The following SUMF1 variants were observed in gnomAD, a reference collection of about 807,000 sequenced individuals.
SUMF1 encodes the protein sulfatase modifying factor 1.
SUMF1 carries 48 observed loss-of-function variants against 47.6 expected under a neutral mutation model. The observed-to-expected ratio is 1.01, with a 90% CI of 0.80 to 1.28. The LOEUF is 1.28. SUMF1 is among the 50% of genes most tolerant of loss of function. SUMF1 has a pLI of 0.00. For synonymous variants in SUMF1, 230 were observed against 192.1 expected, an observed-to-expected ratio of 1.20 and a Z score of -1.63; for missense variants, 571 against 485.4, an observed-to-expected ratio of 1.18 and a Z score of -1.66.
At chr3:4,034,522 T>C (rs1019482854) in intron 9 of SUMF1, among the ~76,000 whole-genome samples, 2 of 152,118 alleles carry the variant, frequency 1.3e-5, no homozygotes, top group Admixed American at 6.5e-5. Context: ...GAAAGAAATA[T>C]AGCTTCCTGT....
chr3:4,287,023 A>G (rs1462971649), intron 8 of SUMF1, among the ~76,000 whole-genome samples: 3 of 152,176 alleles, frequency 2.0e-5, no homozygotes, highest in Admixed American at 2.0e-4. Flanking sequence ...ATAATACTTA[A>G]GTGTCATTTG....
chr3:4,164,657 G>T (rs896636338), intron 8 of SUMF1, among the ~76,000 whole-genome samples: 15 of 152,140 alleles, frequency 9.9e-5, no homozygotes, highest in African/African-American at 3.4e-4. Context: ...TAAGGCTGCA[G>T]CCTTTCTCTG....
intron 8 of SUMF1, among the ~76,000 whole-genome samples, chr3:4,106,212 GT>G (rs1189076511): frequency 6.6e-6 from 1 of 152,008 alleles, no homozygotes; most frequent in Non-Finnish European, 1.5e-5. Context: ...TATTTTTGAG[GT>G]TTAGGCTATG....
intron 8 of SUMF1, among the ~76,000 whole-genome samples, chr3:4,153,856 T>C (rs1008399010): frequency 4.6e-5 from 7 of 151,582 alleles, no homozygotes; most frequent in African/African-American, 1.7e-4. Flanking sequence ...AATATATTTT[T>C]AAGTCTGTTA....
intron 8 of SUMF1, among the ~76,000 whole-genome samples, chr3:4,269,300 A>G (rs1259363852): frequency 1.3e-5 from 2 of 152,068 alleles, no homozygotes; most frequent in East Asian, 3.9e-4. Flanking sequence ...TGTTAATGCT[A>G]TCCCTCCCCA....
rs1249449734 is a variant in SUMF1 at position 4,448,212 on chromosome 3, T to C, written c.519+1054A>G. ...CACCTATATATGATCTGAAAGCAAG[T>C]CTTGTTTTACCTCACCGTTTCCCCC... is the stretch of plus-strand genomic sequence containing the variant. On this transcript the variant is annotated intron_variant, in intron 3 of 8. Transcript: ENST00000272902. Among the ~76,000 whole-genome samples, 3 of 152,108 alleles carry C rather than the reference T, an allele frequency of 2.0e-5. No homozygotes were observed. The East Asian group carries it at 5.8e-4, about 29-fold the overall frequency.
chr3:4,048,292 G>A (rs1053062451), intron 9 of SUMF1, among the ~76,000 whole-genome samples: 7 of 152,160 alleles, frequency 4.6e-5, no homozygotes, highest in African/African-American at 1.4e-4. Flanking sequence ...AGGAGACTCA[G>A]TAACAAACAT....
At chr3:4,284,744 T>C (rs1168269747) in intron 8 of SUMF1, among the ~76,000 whole-genome samples, 1 of 152,030 alleles carries the variant, frequency 6.6e-6, no homozygotes, top group South Asian at 2.1e-4. Flanking sequence ...AATAGTACCA[T>C]AGATTCCAAC....
At chr3:4,077,017 AAAG>A (rs1692454317) in intron 8 of SUMF1, among the ~76,000 whole-genome samples, 1 of 152,156 alleles carries the variant, frequency 6.6e-6, no homozygotes, top group Non-Finnish European at 1.5e-5. Flanking sequence ...AAAGAAAAAA[AAAG>A]AAGACATTTA....
At chr3:4,313,736 C>T in intron 8 of SUMF1, 1 of 1,613,992 alleles carries the variant, frequency 6.2e-7, no homozygotes, top group Non-Finnish European at 8.5e-7. Context: ...TCTGTGTTCC[C>T]CTCCTGCAAG....
chr3:4,110,905 G>A (rs1364440536), intron 8 of SUMF1, among the ~76,000 whole-genome samples: 1 of 151,052 alleles, frequency 6.6e-6, no homozygotes, highest in Non-Finnish European at 1.5e-5. Context: ...ATGACGAGTT[G>A]ATGGGTGCAG....
chr3:4,163,209 C>A (rs576077515), intron 8 of SUMF1, among the ~76,000 whole-genome samples: 1 of 151,786 alleles, frequency 6.6e-6, no homozygotes, highest in Admixed American at 6.6e-5. Flanking sequence ...CGGGTCACTG[C>A]ACTTTGCCTA....
At chr3:4,439,911 T>C (rs758478308) in intron 3 of SUMF1, among the ~76,000 whole-genome samples, 2 of 152,034 alleles carry the variant, frequency 1.3e-5, no homozygotes, top group Non-Finnish European at 2.9e-5. Flanking sequence ...CTTAAACTAC[T>C]AGAAAACTAA....
At chr3:4,272,052 G>C (rs1052750056) in intron 8 of SUMF1, among the ~76,000 whole-genome samples, 1 of 152,180 alleles carries the variant, frequency 6.6e-6, no homozygotes, top group Non-Finnish European at 1.5e-5. Context: ...TAGATACTGA[G>C]ATAACAGAAG....
intron 8 of SUMF1, among the ~76,000 whole-genome samples, chr3:4,319,790 G>A (rs1452045293): frequency 6.6e-6 from 1 of 152,184 alleles, no homozygotes; most frequent in Non-Finnish European, 1.5e-5. Context: ...TAAACAAACT[G>A]GTACATCCAT....
intron 8 of SUMF1, among the ~76,000 whole-genome samples, chr3:4,231,694 T>C (rs1383845304): frequency 6.6e-6 from 1 of 152,126 alleles, no homozygotes; most frequent in Non-Finnish European, 1.5e-5. Context: ...TAATAACACA[T>C]AGCCCTTCAT....
At chr3:4,150,498 G>T (rs1694294007) in intron 8 of SUMF1, among the ~76,000 whole-genome samples, 2 of 150,806 alleles carry the variant, frequency 1.3e-5, no homozygotes, top group African/African-American at 4.9e-5. Context: ...GGAGGCGGAG[G>T]TTGCAGTGAG....
intron 7 of SUMF1, among the ~76,000 whole-genome samples, chr3:4,395,032 A>G (rs1700996867): frequency 6.6e-6 from 1 of 152,232 alleles, no homozygotes; most frequent in Non-Finnish European, 1.5e-5. Context: ...TGTTGAGAGT[A>G]TACTAATCCT....
chr3:4,056,614 A>G (rs1695195750), intron 9 of SUMF1, among the ~76,000 whole-genome samples: 1 of 152,136 alleles, frequency 6.6e-6, no homozygotes. Context: ...AGCTAAAATC[A>G]TACCACTGCA....
Sources: gnomAD v4.1 joint callset for allele counts (sites outside exome capture counted in the v4.1 genomes callset) on GRCh38, gnomAD v4.1.1 for gene constraint, MANE v1.5 for transcripts, NCBI Gene and HGNC (gene_info 2026-07-23, HGNC 2026-07-21) for gene names.